The following WDR76 variants were observed in gnomAD, a reference collection of about 807,000 sequenced individuals.
WDR76 encodes WD repeat-containing protein 76.
A neutral mutation model predicts 70.2 loss-of-function variants in WDR76; 52 were observed. The observed-to-expected ratio is 0.74, with a 90% CI of 0.59 to 0.93. WDR76 has a LOEUF of 0.93. Among genes scored for constraint, WDR76 ranks in the 40% least tolerant of loss-of-function variants. WDR76 has a pLI of 0.00. For missense variants in WDR76, 756 were observed against 760.2 expected, an observed-to-expected ratio of 0.99 and a Z score of 0.07; for synonymous variants, 292 against 271.1, an observed-to-expected ratio of 1.08 and a Z score of -0.76.
intron 12 of WDR76, 35 bp from the exon 13 acceptor site, chr15:43,866,089 CCTTA>C: frequency 6.2e-7 from 1 of 1,607,994 alleles, no homozygotes; most frequent in Non-Finnish European, 8.5e-7. Context: ...CCTTATTTAA[CCTTA>C]CTTCATTTAA....
chr15:43,845,240 C>T (rs554372610), intron 8 of WDR76, among the ~76,000 whole-genome samples: 4 of 149,992 alleles, frequency 2.7e-5, no homozygotes, highest in East Asian at 3.9e-4. Context: ...TGAGCCACGG[C>T]GCCCAGCCCG....
chr15:43,833,633 T>G (rs1294750560), intron 2 of WDR76, among the ~76,000 whole-genome samples: 1 of 150,786 alleles, frequency 6.6e-6, no homozygotes, highest in Non-Finnish European at 1.5e-5. Context: ...CTTTTTTTTT[T>G]TTGTTTGTTT....
At position 43,862,594 on chromosome 15, in the gene WDR76, C is replaced by T. The variant is rs1349313771; in HGVS notation, c.1616+1208C>T. 7.9e-5 allele frequency among the ~76,000 whole-genome samples: 12 copies of T among 151,360 alleles called. 1 individual carries two copies. In the South Asian group the frequency reaches 1.3e-3, roughly 16 times the overall value. On this transcript the variant is annotated intron_variant, in intron 12 of 12. Coordinates refer to ENST00000263795, the MANE Select transcript of WDR76 (RefSeq NM_024908.4). Reference sequence around the variant, plus strand: ...CGCGATCTCGGCTCACTACAAGCTCCACCTCCCTGGTTCATGCCATTCTCC... The same window carrying T: ...CGCGATCTCGGCTCACTACAAGCTCTACCTCCCTGGTTCATGCCATTCTCC...
rs1385976618 is a variant in WDR76, at chr15:43,856,617, T to A, written c.1192-329T>A. Among the ~76,000 whole-genome samples the A allele has an allele frequency of 4.6e-5, 7 of 151,358 alleles. No individual in the cohort carries two copies. In the South Asian group the frequency reaches 1.0e-3, roughly 23 times the overall value. ...TTGTTTTGTTTCTTTTTTTTTTTTT[T>A]AATTTTCAGTTAGAAGGAATAAGTT... On this transcript the variant is annotated intron_variant, in intron 9 of 12. Transcript: ENST00000263795.
chr15:43,853,431 T>C (rs558272077), intron 9 of WDR76, among the ~76,000 whole-genome samples: 55 of 152,066 alleles, frequency 3.6e-4, no homozygotes, highest in Non-Finnish European at 6.9e-4. Flanking sequence ...GCTCAAGTGA[T>C]CTGCCCACCT....
chr15:43,827,773 C>A (rs1596062842), intron 1 of WDR76, among the ~76,000 whole-genome samples, 192 bp from the exon 2 acceptor site: 1 of 152,248 alleles, frequency 6.6e-6, no homozygotes, highest in East Asian at 1.9e-4. Flanking sequence ...TCTCGATCTC[C>A]TGACCTCGCG....
chr15:43,835,630 C>T (rs1175785357), intron 3 of WDR76, among the ~76,000 whole-genome samples: 3 of 151,012 alleles, frequency 2.0e-5, no homozygotes, highest in Non-Finnish European at 4.4e-5. Flanking sequence ...TTACTGTACT[C>T]TGTTGATTCT....
intron 9 of WDR76, among the ~76,000 whole-genome samples, chr15:43,856,240 G>A (rs903292313): frequency 6.6e-6 from 1 of 152,136 alleles, no homozygotes; most frequent in Non-Finnish European, 1.5e-5. Flanking sequence ...TCTTGCAGCA[G>A]ACATTTTTAT....
chr15:43,827,922 C>G (rs1486438619), intron 1 of WDR76, 43 bp from the exon 2 acceptor site: 1 of 1,524,708 alleles, frequency 6.6e-7, no homozygotes, highest in African/African-American at 1.4e-5. Flanking sequence ...AGGCACAGGA[C>G]TTGGAGTTCT....
chr15:43,831,807 A>G (rs944220420), intron 2 of WDR76, among the ~76,000 whole-genome samples: 12 of 151,814 alleles, frequency 7.9e-5, no homozygotes, highest in Non-Finnish European at 1.0e-4. Context: ...AGTGTATACG[A>G]GGCAAATACT....
Position 43,842,645 on chromosome 15 carries a change from T to C in WDR76, c.852T>C (p.Thr284=). 6.2e-7 allele frequency: 1 copy of C among 1,610,236 alleles called. No homozygotes were observed. Among genetic ancestry groups the C allele is most frequent in the Non-Finnish European group, 8.5e-7 (1 of 1,178,996 alleles). ...AGMSKPSSKN[T]EKGLSSIKSY... is the part of the protein sequence containing the mutation. ...TGTTTCAGCCAAGTAGTAAGAACACTGAGAAGGGATTATCTAGCATTAAAA... is the reference window on the plus strand; with the variant it reads ...TGTTTCAGCCAAGTAGTAAGAACACCGAGAAGGGATTATCTAGCATTAAAA... The change falls in exon 7 of 13, where the codon ACT becomes ACC. Residue 284 remains threonine, a synonymous_variant. Transcript: ENST00000263795.
chr15:43,836,251 T>TAC, intron 4 of WDR76, 35 bp downstream of exon 4: 1 of 1,586,696 alleles, frequency 6.3e-7, no homozygotes, highest in Admixed American at 1.8e-5. Context: ...TGAACCATGA[T>TAC]ACATTGCTCA....
At chr15:43,856,280 A>C (rs997586742) in intron 9 of WDR76, among the ~76,000 whole-genome samples, 4 of 152,098 alleles carry the variant, frequency 2.6e-5, no homozygotes, top group South Asian at 4.1e-4. Context: ...CTGGGTCAAA[A>C]AGTATAAGCA....
intron 8 of WDR76, 27 bp from the exon 9 acceptor site, chr15:43,851,060 C>T: frequency 1.2e-6 from 2 of 1,607,774 alleles, no homozygotes; most frequent in East Asian, 2.2e-5. Context: ...TTTTTTCTCT[C>T]TCCCCTTTCC....
At chr15:43,829,610 C>T (rs2087562184) in intron 2 of WDR76, among the ~76,000 whole-genome samples, 1 of 146,380 alleles carries the variant, frequency 6.8e-6, no homozygotes, top group African/African-American at 2.5e-5. Flanking sequence ...GGGTTCACAC[C>T]ATTCTCCTGC....
chr15:43,842,425 C>T lies in WDR76; in HGVS notation c.743C>T (p.Pro248Leu). ...TLVADETPLL[P>L]PGPLEMTSEN... ...TATTTTTTATAACAGCCTTTGTTAC[C>T]TCCTGGGCCTTTAGAAATGACTTCT... Residue 248 changes from proline to leucine, a missense_variant, in exon 6 of 13, where the codon CCT becomes CTT. Transcript: ENST00000263795. The T allele has an allele frequency of 6.2e-7, 1 of 1,613,762 alleles. No individual in the cohort carries two copies. Among genetic ancestry groups the T allele is most frequent in the Non-Finnish European group, 8.5e-7 (1 of 1,179,914 alleles).
chr15:43,866,211 G>A lies in WDR76; in HGVS notation c.1700G>A (p.Ser567Asn), dbSNP rs202167849. Residue 567 changes from serine (S) to asparagine (N), a missense_variant, in exon 13 of 13, where the codon AGC becomes AAC. Coordinates refer to ENST00000263795, the MANE Select transcript of WDR76 (RefSeq NM_024908.4). ...CAAGAAGACTGTGTCATAGTTGGCA[G>A]CATGGCCCATCCACGACGGGTAGAA... Reference protein sequence around the residue: ...PKQEDCVIVGSMAHPRRVEIF... With the variant: ...PKQEDCVIVGNMAHPRRVEIF... The A allele has an allele frequency of 9.9e-6, 16 of 1,614,116 alleles. No homozygotes were observed. The highest frequency in any genetic ancestry group is 1.3e-5 in the African/African-American group (1 of 74,936).
chr15:43,836,802 C>G (rs1260625870), intron 4 of WDR76, among the ~76,000 whole-genome samples: 1 of 151,038 alleles, frequency 6.6e-6, no homozygotes, highest in East Asian at 1.9e-4. Flanking sequence ...GAGGTTGAGT[C>G]AGGGGGTCAC....
At chr15:43,847,371 G>C (rs561113764) in intron 8 of WDR76, among the ~76,000 whole-genome samples, 2 of 150,674 alleles carry the variant, frequency 1.3e-5, no homozygotes, top group African/African-American at 2.4e-5. Flanking sequence ...GGTGATTCTC[G>C]TGCCTCAGCC....
Sources: allele counts gnomAD v4.1 joint callset (sites outside exome capture counted in the v4.1 genomes callset), GRCh38; gene constraint gnomAD v4.1.1; transcripts MANE v1.5; gene names NCBI Gene and HGNC (gene_info 2026-07-23, HGNC 2026-07-21).